Variants in DPP9 observed in about 807,000 individuals in gnomAD.
DPP9 encodes the protein dipeptidyl peptidase 9, also known as dipeptidyl peptidase IV-related protein-2.
Under a neutral mutation model 110.7 loss-of-function variants are expected in DPP9, and 50 were observed. The observed-to-expected ratio is 0.45, with a 90% confidence interval of 0.36 to 0.57. The LOEUF (loss-of-function observed/expected upper bound fraction) is 0.57, where lower values mean the gene tolerates loss of function less well. Among genes scored for constraint, DPP9 ranks in the 20% least tolerant of loss-of-function variants. The pLI is 0.00. For missense variants in DPP9, 1,022 were observed against 1,217.9 expected, an observed-to-expected ratio of 0.84 and a Z score of 2.39; for synonymous variants, 561 against 514.4, an observed-to-expected ratio of 1.09 and a Z score of -1.23.
intron 2 of DPP9, 105 bp downstream of exon 2, chr19:4,722,394 C>T (rs971866747): frequency 1.6e-6 from 1 of 644,720 alleles, no homozygotes. Context: ...CATCCAGGGC[C>T]ATAGAAAACC....
intron 3 of DPP9, 110 bp from the exon 4 acceptor site, chr19:4,714,447 T>C: frequency 1.5e-6 from 2 of 1,374,580 alleles, no homozygotes; most frequent in Admixed American, 2.9e-5. Flanking sequence ...GCCCCACCCC[T>C]GCCGCTTTCC....
rs2092157753 is a variant in DPP9 at position 4,700,359 on chromosome 19, G to A, written c.1013-82C>T. The A allele has an allele frequency of 2.5e-6, 3 of 1,191,400 alleles. No individual in the cohort carries two copies. The highest frequency in any genetic ancestry group is 3.5e-6 in the Non-Finnish European group (3 of 851,520). The allele number at this position is 1,191,400 out of a possible 1,614,324, so 73.8% of individuals were successfully genotyped here. On this transcript the variant is annotated intron_variant, in intron 9 of 21. Coordinates refer to ENST00000262960, the MANE Select transcript of DPP9 (RefSeq NM_139159.5). The surrounding 1 kb of genome is among the most constrained non-coding windows in gnomAD (Gnocchi z 4.3). ...GCCGGCACGGGGGGCCTGGGCTGTGGGGTGACGTCCACAGAGAGGTGTACA... is the reference window on the plus strand; with the variant it reads ...GCCGGCACGGGGGGCCTGGGCTGTGAGGTGACGTCCACAGAGAGGTGTACA...
At chr19:4,719,704 C>G (rs59103718) in intron 3 of DPP9, 147 bp downstream of exon 3, 52 of 944,218 alleles carry the variant, frequency 5.5e-5, no homozygotes, top group Admixed American at 6.5e-5. Context: ...ACTGCCTCCT[C>G]GCTTGAAATA....
Position 4,707,600 on chromosome 19 carries a change from C to A in DPP9, c.314-1630G>T, listed in dbSNP as rs1178866528. Among the ~76,000 whole-genome samples, 6 of 149,456 alleles carry A rather than the reference C, an allele frequency of 4.0e-5. No homozygotes were observed. The South Asian group carries it at 1.1e-3, about 27-fold the overall frequency. On this transcript the variant is annotated intron_variant, in intron 4 of 21. Transcript: ENST00000262960. ...GTGCTGTCCTGTCCTCTTTTCAGGA[C>A]CTCCTCATACTCGCTTTTTTTTTTT...
At position 4,714,151 on chromosome 19, in the gene DPP9, C is replaced by T. The variant is rs200324423; in HGVS notation, c.243G>A (p.Ala81=). Residue 81 remains alanine, a synonymous_variant, in exon 4 of 22, where the codon GCG becomes GCA. Coordinates refer to ENST00000262960, the MANE Select transcript of DPP9 (RefSeq NM_139159.5). The stretch of plus-strand genomic sequence containing the variant: ...TCTGCACAAACTGGAAGTCGTGGGG[C>T]GCCTTGTTGACAATGAGGCCCGAGT... ...RKYSGLIVNK[A]PHDFQFVQKT... is the part of the protein sequence containing the mutation. 1.3e-3 allele frequency: 2,128 copies of T among 1,613,252 alleles called. 2 individuals are homozygous for T. Among genetic ancestry groups the T allele is most frequent in the Non-Finnish European group, 1.7e-3 (1,980 of 1,179,620 alleles).
intron 2 of DPP9, 182 bp downstream of exon 2, chr19:4,722,316 CA>C (rs941824886): frequency 5.8e-5 from 34 of 582,676 alleles, no homozygotes; most frequent in Admixed American, 3.3e-4. Flanking sequence ...TAGAGGGGGA[CA>C]GGGGTGGAAA....
chr19:4,678,136 G>A (rs141481608), intron 21 of DPP9, among the ~76,000 whole-genome samples: 2,464 of 150,612 alleles, frequency 0.016, 60 homozygotes, highest in African/African-American at 0.057. Flanking sequence ...CTTTTGAGAC[G>A]GAGTCTCCCT....
intron 10 of DPP9, among the ~76,000 whole-genome samples, chr19:4,699,972 G>C (rs1219042885): frequency 6.6e-6 from 1 of 152,202 alleles, no homozygotes; most frequent in Non-Finnish European, 1.5e-5. Flanking sequence ...CCTTACCGCG[G>C]CGTGGCCTCC....
At position 4,676,506 on chromosome 19, in the gene DPP9, T is replaced by C. The variant is rs948155860; in HGVS notation, c.*58A>G. On this transcript the variant is annotated 3_prime_UTR_variant, in exon 22 of 22. Coordinates refer to ENST00000262960, the MANE Select transcript of DPP9 (RefSeq NM_139159.5). The surrounding 1 kb of genome is among the most constrained non-coding windows in gnomAD (Gnocchi z 4.0). Reference sequence around the variant, plus strand: ...GGGCCACTCAGTCCCTCCCGCCTGGTTCCCCGCGGAGGCTGCAGCCACTTG... The same window carrying C: ...GGGCCACTCAGTCCCTCCCGCCTGGCTCCCCGCGGAGGCTGCAGCCACTTG... The C allele has an allele frequency of 6.9e-7, 1 of 1,456,486 alleles. No homozygotes were observed. Among genetic ancestry groups the C allele is most frequent in the Non-Finnish European group, 9.4e-7 (1 of 1,059,732 alleles). 90.2% of individuals were successfully genotyped at this position (1,456,486 alleles called of 1,614,324 possible). A position where few individuals can be genotyped will look rare whatever the true frequency, so the allele number is the denominator to read the frequency against.
Position 4,695,423 on chromosome 19 carries a change from G to A in DPP9, c.1308C>T (p.Val436=), listed in dbSNP as rs1336708242. 4 of 1,594,764 alleles carry A rather than the reference G, an allele frequency of 2.5e-6. No homozygotes were observed. Among genetic ancestry groups the A allele is most frequent in the Non-Finnish European group, 2.6e-6 (3 of 1,170,982 alleles). Residue 436 remains valine, a synonymous_variant, in exon 12 of 22, where the codon GTC becomes GTT. Coordinates refer to ENST00000262960, the MANE Select transcript of DPP9 (RefSeq NM_139159.5). This position sits in a 1 kb window ranked among gnomAD's most constrained non-coding sequence, Gnocchi z 4.7. ...LASARAVPRN[V]QPYVVYEEVT... ...CCTCCTCGTACACCACATACGGCTG[G>A]ACATTCCTGGGGACAGCTCTGGCAG...
Position 4,679,865 on chromosome 19 carries a change from C to T in DPP9, c.2556G>A (p.Leu852=). The T allele has an allele frequency of 6.2e-7, 1 of 1,613,374 alleles. No homozygotes were observed. The highest frequency in any genetic ancestry group is 1.7e-4 in the Middle Eastern group (1 of 6,008). Residue 852 remains leucine (L), a synonymous_variant, in exon 21 of 22, where the codon CTG becomes CTA. Transcript: ENST00000262960. Reference sequence around the variant, plus strand: ...GCTGGTAAGGTTTCCCTGCTCGGATCAGTTGGGAGACGAGGAAGTTTGTGT... The same window carrying T: ...GCTGGTAAGGTTTCCCTGCTCGGATTAGTTGGGAGACGAGGAAGTTTGTGT... ...FFHTNFLVSQ[L]IRAGKPYQLQ... is the part of the protein sequence containing the mutation.
Position 4,695,498 on chromosome 19 carries a change from G to T in DPP9, c.1233C>A (p.Pro411=), listed in dbSNP as rs758162683. Residue 411 remains proline (P), a synonymous_variant, in exon 12 of 22, where the codon CCC becomes CCA. Transcript: ENST00000262960. The surrounding 1 kb of genome is among the most constrained non-coding windows in gnomAD (Gnocchi z 4.7). Reference sequence around the variant, plus strand: ...CTGTGCTCGGGATGAACAGGGCCGGGGGGAGGAGGACGAGCTGGAGCCACT... The same window carrying T: ...CTGTGCTCGGGATGAACAGGGCCGGTGGGAGGAGGACGAGCTGGAGCCACT... ...PQQWLQLVLL[P]PALFIPSTEN... 12 of 1,559,816 alleles carry T rather than the reference G, an allele frequency of 7.7e-6. No individual in the cohort carries two copies. The highest frequency in any genetic ancestry group is 1.0e-5 in the Non-Finnish European group (12 of 1,155,568).
intron 9 of DPP9, among the ~76,000 whole-genome samples, chr19:4,701,459 C>T (rs2092250652): frequency 6.6e-6 from 1 of 152,082 alleles, no homozygotes. Context: ...CAAGGTGAAA[C>T]CTTGTCTCAA....
At chr19:4,706,503 A>T (rs931722215) in intron 4 of DPP9, among the ~76,000 whole-genome samples, 21 of 151,610 alleles carry the variant, frequency 1.4e-4, no homozygotes, top group African/African-American at 4.4e-4. Flanking sequence ...ATAGGATTAG[A>T]GGGAGGGCAA....
Position 4,695,073 on chromosome 19 carries a change from C to T in DPP9, c.1354-250G>A. Reference sequence around the variant, plus strand: ...GGCTGAGGTGGGAGGATCACTTAGGCCCAGGAGGTCAAGGCTGCAGTGAGC... The same window carrying T: ...GGCTGAGGTGGGAGGATCACTTAGGTCCAGGAGGTCAAGGCTGCAGTGAGC... On this transcript the variant is annotated intron_variant, in intron 12 of 21. Transcript: ENST00000262960. The surrounding 1 kb of genome is among the most constrained non-coding windows in gnomAD (Gnocchi z 4.7). 3.4e-6 allele frequency: 2 copies of T among 594,142 alleles called. No homozygotes were observed. The highest frequency in any genetic ancestry group is 2.1e-5 in the South Asian group (1 of 48,224). The allele number at this position is 594,142 out of a possible 1,614,324, so 36.8% of individuals were successfully genotyped here.
chr19:4,695,526 T>C lies in DPP9; in HGVS notation c.1205A>G (p.Gln402Arg), dbSNP rs572225680. 2.0e-6 allele frequency: 3 copies of C among 1,512,266 alleles called. No individual in the cohort carries two copies. Among genetic ancestry groups the C allele is most frequent in the African/African-American group, 2.8e-5 (2 of 70,792 alleles). The allele number at this position is 1,512,266 out of a possible 1,614,324, so 93.7% of individuals were successfully genotyped here. Residue 402 changes from glutamine to arginine, a missense_variant, in exon 12 of 22, where the codon CAG becomes CGG. Around this residue, in one of 3 missense-constraint regions of DPP9, gnomAD observed 810 missense variants for 920.6 expected, o/e 0.88. Coordinates refer to ENST00000262960, the MANE Select transcript of DPP9 (RefSeq NM_139159.5). The surrounding 1 kb of genome is among the most constrained non-coding windows in gnomAD (Gnocchi z 4.7). The stretch of plus-strand genomic sequence containing the variant: ...GAGGAGGACGAGCTGGAGCCACTGC[T>C]GGGGCCGGTCCAGGAACATGGCCCA... ...YAWAMFLDRP[Q>R]QWLQLVLLPP...
At chr19:4,716,386 T>C (rs10153468) in intron 3 of DPP9, among the ~76,000 whole-genome samples, 116,653 of 152,090 alleles carry the variant, frequency 0.77, 45,548 homozygotes, top group African/African-American at 0.88. Flanking sequence ...GCCTGTAATC[T>C]CAGCACTTCG....
chr19:4,684,980 G>A lies in DPP9; in HGVS notation c.2032-171C>T, dbSNP rs1487203298. 1.1e-5 allele frequency: 9 copies of A among 832,504 alleles called. No homozygotes were observed. The Admixed American group carries it at 1.6e-4, about 15-fold the overall frequency. 51.6% of individuals were successfully genotyped at this position (832,504 alleles called of 1,614,324 possible). On this transcript the variant is annotated intron_variant, in intron 17 of 21. Coordinates refer to ENST00000262960, the MANE Select transcript of DPP9 (RefSeq NM_139159.5). The surrounding 1 kb of genome is among the most constrained non-coding windows in gnomAD (Gnocchi z 4.8). ...ACACCTGGGAGTGGCAAGGCGGGAGGGGCCCATACTCGGGACCCTGCTAGG... is the reference window on the plus strand; with the variant it reads ...ACACCTGGGAGTGGCAAGGCGGGAGAGGCCCATACTCGGGACCCTGCTAGG...
rs959046171 is a variant in DPP9 at position 4,720,903 on chromosome 19, C to T, written c.-35-962G>A. Among the ~76,000 whole-genome samples, 7 of 152,312 alleles carry T rather than the reference C, an allele frequency of 4.6e-5. No homozygotes were observed. The East Asian group carries it at 1.3e-3, about 29-fold the overall frequency. On this transcript the variant is annotated intron_variant, in intron 2 of 21. Coordinates refer to ENST00000262960, the MANE Select transcript of DPP9 (RefSeq NM_139159.5). ...CAAGCATTCTAAACGAGGGGGACCCCCAGCTCCTGGGATTCACCTCCTTTC... is the reference window on the plus strand; with the variant it reads ...CAAGCATTCTAAACGAGGGGGACCCTCAGCTCCTGGGATTCACCTCCTTTC...
Sources: gnomAD v4.1 joint callset for allele counts (sites outside exome capture counted in the v4.1 genomes callset) on GRCh38, gnomAD v4.1.1 for gene constraint, gnomAD v4.1.1 regional missense constraint, Gnocchi (gnomAD v3.1) non-coding constraint, MANE v1.5 for transcripts, NCBI Gene and HGNC (gene_info 2026-07-23, HGNC 2026-07-21) for gene names.